GRID2: variants seen among roughly 807,000 people sequenced by gnomAD.
GRID2 encodes glutamate ionotropic receptor delta type subunit 2.
GRID2 carries 33 observed loss-of-function variants against 114.8 expected under a neutral mutation model. That is an observed-to-expected ratio of 0.29 (90% confidence interval 0.22 to 0.38). GRID2 has a LOEUF of 0.38. GRID2 is among the 10% of genes least tolerant of loss of function. The pLI, the probability that GRID2 is intolerant of heterozygous loss-of-function variation, is 1.00. For missense variants in GRID2, 1,184 were observed against 1,257.7 expected, an observed-to-expected ratio of 0.94 and a Z score of 0.89; for synonymous variants, 505 against 449.9, an observed-to-expected ratio of 1.12 and a Z score of -1.55.
At chr4:92,984,318 C>T (rs1259845479) in intron 2 of GRID2, among the ~76,000 whole-genome samples, 2 of 152,220 alleles carry the variant, frequency 1.3e-5, no homozygotes, top group Non-Finnish European at 1.5e-5. Flanking sequence ...CTGTCACTAA[C>T]GTGACCTCCT....
intron 2 of GRID2, among the ~76,000 whole-genome samples, chr4:92,742,235 C>A (rs889989904): frequency 1.5e-4 from 23 of 152,062 alleles, no homozygotes; most frequent in Non-Finnish European, 1.5e-5. Flanking sequence ...GAAAACTCTC[C>A]TGTTAGTAAA....
intron 8 of GRID2, among the ~76,000 whole-genome samples, chr4:93,321,320 T>TA (rs368470718): frequency 1.6e-4 from 24 of 151,728 alleles, no homozygotes; most frequent in African/African-American, 2.7e-4. Context: ...TCCCTAATTA[T>TA]AAAAAAAAGC....
intron 2 of GRID2, among the ~76,000 whole-genome samples, chr4:92,841,663 C>A (rs1742905775): frequency 6.6e-6 from 1 of 152,050 alleles, no homozygotes; most frequent in South Asian, 2.1e-4. Flanking sequence ...TTCTCTGTGG[C>A]AATGTAGGCC....
intron 2 of GRID2, among the ~76,000 whole-genome samples, chr4:92,853,412 A>G (rs1743964481): frequency 6.6e-6 from 1 of 152,032 alleles, no homozygotes; most frequent in South Asian, 2.1e-4. Flanking sequence ...TTTATCTTTT[A>G]CACTGACTTT....
chr4:93,715,266 C>T (rs1025207989), intron 14 of GRID2, among the ~76,000 whole-genome samples: 1 of 152,064 alleles, frequency 6.6e-6, no homozygotes, highest in African/African-American at 2.4e-5. Context: ...CCTCTGCATT[C>T]TCTATTTTGT....
chr4:93,588,037 G>A (rs568821152), intron 13 of GRID2, among the ~76,000 whole-genome samples: 1 of 152,070 alleles, frequency 6.6e-6, no homozygotes, highest in East Asian at 1.9e-4. Flanking sequence ...ACAATGCAGT[G>A]GTCTTTCAAT....
rs5860328 is a variant in GRID2, at chr4:93,367,204, G to GTT, written c.1246-28391_1246-28390dup. On this transcript the variant is annotated intron_variant, in intron 8 of 15. Coordinates refer to ENST00000282020, the MANE Select transcript of GRID2 (RefSeq NM_001510.4). ...TGTGGCTTTATTTTTTTTTTTTTAAGTTTTTTTTTTTTTGGTCAGTTGTTG... is the reference window on the plus strand; with the variant it reads ...TGTGGCTTTATTTTTTTTTTTTTAAGTTTTTTTTTTTTTTTGGTCAGTTGTTG... Among the ~76,000 whole-genome samples the GTT allele has an allele frequency of 1.6e-3, 218 of 132,450 alleles. 1 individual carries two copies. Among genetic ancestry groups the GTT allele is most frequent in the Admixed American group, 2.3e-3 (29 of 12,858 alleles). 86.9% of individuals were successfully genotyped at this position (132,450 alleles called of 152,430 possible).
intron 1 of GRID2, among the ~76,000 whole-genome samples, chr4:92,460,927 A>T (rs1721463811): frequency 6.6e-6 from 1 of 151,950 alleles, no homozygotes; most frequent in Non-Finnish European, 1.5e-5. Flanking sequence ...TTTAGAAAAA[A>T]ATTACATAAA....
intron 1 of GRID2, among the ~76,000 whole-genome samples, chr4:92,405,683 C>A (rs1730993718): frequency 6.7e-6 from 1 of 149,208 alleles, no homozygotes; most frequent in African/African-American, 2.5e-5. Flanking sequence ...TGACTCTCAA[C>A]TGAAAAGTAG....
At chr4:93,232,187 G>A (rs1459680006) in intron 7 of GRID2, among the ~76,000 whole-genome samples, 2 of 152,074 alleles carry the variant, frequency 1.3e-5, no homozygotes, top group African/African-American at 4.8e-5. Flanking sequence ...AATCAGACCT[G>A]AATTTTAGAA....
intron 2 of GRID2, among the ~76,000 whole-genome samples, chr4:92,614,652 T>C (rs1013245394): frequency 2.0e-5 from 3 of 151,698 alleles, no homozygotes. Context: ...AGTATATTCA[T>C]GTGTGCTTGA....
chr4:93,512,920 G>A (rs1578162243), intron 12 of GRID2, among the ~76,000 whole-genome samples: 1 of 152,192 alleles, frequency 6.6e-6, no homozygotes, highest in East Asian at 1.9e-4. Flanking sequence ...AGGATAAGAA[G>A]GAGCACTAAT....
At chr4:93,592,546 G>A (rs1424319313) in intron 13 of GRID2, among the ~76,000 whole-genome samples, 6 of 152,106 alleles carry the variant, frequency 3.9e-5, no homozygotes, top group African/African-American at 4.8e-5. Context: ...GATTTGGGGT[G>A]GAGAGTTCTG....
At chr4:92,653,585 C>A (rs62309201) in intron 2 of GRID2, among the ~76,000 whole-genome samples, 9,282 of 151,932 alleles carry the variant, frequency 0.061, 362 homozygotes, top group East Asian at 0.16. Flanking sequence ...CTATGTCTTA[C>A]TTTTCTATCA....
intron 1 of GRID2, among the ~76,000 whole-genome samples, chr4:92,589,751 A>G (rs1029728803): frequency 6.6e-6 from 1 of 152,210 alleles, no homozygotes. Flanking sequence ...GACCTCAAGA[A>G]GTTTTCTGAG....
chr4:92,317,736 G>A (rs1020642129), intron 1 of GRID2, among the ~76,000 whole-genome samples: 1 of 152,078 alleles, frequency 6.6e-6, no homozygotes, highest in Non-Finnish European at 1.5e-5. Context: ...GATAGAACTT[G>A]CTCTTGGCTG....
chr4:92,390,246 A>G (rs1730176228), intron 1 of GRID2, among the ~76,000 whole-genome samples: 1 of 152,180 alleles, frequency 6.6e-6, no homozygotes, highest in Non-Finnish European at 1.5e-5. Context: ...TACCTTCAAC[A>G]ACAAACCAGT....
intron 14 of GRID2, among the ~76,000 whole-genome samples, chr4:93,637,056 A>T (rs1578454497): frequency 6.6e-6 from 1 of 152,208 alleles, no homozygotes; most frequent in African/African-American, 2.4e-5. Context: ...ATTAGGAAAT[A>T]CTTTCAACAG....
intron 2 of GRID2, among the ~76,000 whole-genome samples, chr4:92,805,419 A>T (rs1295214704): frequency 6.6e-6 from 1 of 152,054 alleles, no homozygotes; most frequent in Admixed American, 6.6e-5. Flanking sequence ...GAAATACAAC[A>T]TCCTTCTTTT....
Sources: gnomAD v4.1 joint callset for allele counts (sites outside exome capture counted in the v4.1 genomes callset) on GRCh38, gnomAD v4.1.1 for gene constraint, MANE v1.5 for transcripts, NCBI Gene and HGNC (gene_info 2026-07-23, HGNC 2026-07-21) for gene names.